Variants in COL22A1 observed in about 807,000 individuals in gnomAD.
COL22A1 encodes the protein collagen type XXII alpha 1 chain, also known as collagen alpha-1(XXII) chain.
Under a neutral mutation model 248.9 loss-of-function variants are expected in COL22A1, and 221 were observed. The observed-to-expected ratio is 0.89, with a 90% confidence interval of 0.80 to 0.99. The LOEUF (loss-of-function observed/expected upper bound fraction) is 0.99. COL22A1 is among the 50% of genes least tolerant of loss of function. COL22A1 has a pLI of 0.00. For missense variants in COL22A1, 2,240 were observed against 2,179.0 expected, an observed-to-expected ratio of 1.03 and a Z score of -0.56; for synonymous variants, 891 against 793.4, an observed-to-expected ratio of 1.12 and a Z score of -2.07.
In COL22A1 at chr8:138,906,187, G is replaced by A. The variant is rs535731423; in HGVS notation, c.-73+7432C>T. Among the ~76,000 whole-genome samples, 406 of 152,172 alleles carry A rather than the reference G, an allele frequency of 2.7e-3. 2 individuals carry two copies. Among genetic ancestry groups the A allele is most frequent in the African/African-American group, 9.0e-3 (375 of 41,512 alleles). The stretch of plus-strand genomic sequence containing the variant: ...AGATTGAGACCATCCTGGCTGACAC[G>A]GTGAAACCCCGTCTCTACTAAAAAT... On this transcript the variant is annotated intron_variant, in intron 1 of 64. Transcript: ENST00000303045.
chr8:138,787,833 G>C (rs1455556605), intron 12 of COL22A1, among the ~76,000 whole-genome samples: 2 of 152,060 alleles, frequency 1.3e-5, no homozygotes, highest in Non-Finnish European at 2.9e-5. Flanking sequence ...ATGGGGAGGG[G>C]GGCAACCATC....
At chr8:138,650,723 T>G (rs562837857) in intron 45 of COL22A1, among the ~76,000 whole-genome samples, 1 of 147,860 alleles carries the variant, frequency 6.8e-6, no homozygotes, top group Non-Finnish European at 1.5e-5. Flanking sequence ...GATAGACAGA[T>G]AGACAGATAC....
chr8:138,683,614 CTT>C (rs1300702809), intron 39 of COL22A1, among the ~76,000 whole-genome samples: 1 of 152,174 alleles, frequency 6.6e-6, no homozygotes, highest in Non-Finnish European at 1.5e-5. Flanking sequence ...TCTCCACTCT[CTT>C]TTCCTTTACT....
At chr8:138,881,139 C>T (rs930135378) in intron 2 of COL22A1, among the ~76,000 whole-genome samples, 2 of 152,132 alleles carry the variant, frequency 1.3e-5, no homozygotes, top group Non-Finnish European at 2.9e-5. Flanking sequence ...CAGAGGAGAC[C>T]ACCCTAGGGC....
chr8:138,857,206 TACCTCCTGCCCCGGAGAC>T (rs1166451191), intron 3 of COL22A1, among the ~76,000 whole-genome samples: 1 of 152,080 alleles, frequency 6.6e-6, no homozygotes, highest in Admixed American at 6.6e-5. Flanking sequence ...CTGTCCTGCG[TACCTCCTGCCCCGGAGAC>T]ATTGGGCCCA....
intron 2 of COL22A1, 96 bp from the exon 3 acceptor site, chr8:138,878,412 CA>C: frequency 2.9e-6 from 3 of 1,048,248 alleles, no homozygotes; most frequent in Non-Finnish European, 4.0e-6. Context: ...CACACCTGCT[CA>C]AATACCTACC....
intron 57 of COL22A1, among the ~76,000 whole-genome samples, chr8:138,607,569 A>G (rs1049029672): frequency 7.1e-6 from 1 of 140,226 alleles, no homozygotes; most frequent in Non-Finnish European, 1.5e-5. Flanking sequence ...CATGCTGCAC[A>G]CTTTGTCATT....
At chr8:138,596,728 T>A (rs1817565371) in intron 62 of COL22A1, among the ~76,000 whole-genome samples, 176 bp downstream of exon 62, 1 of 152,156 alleles carries the variant, frequency 6.6e-6, no homozygotes, top group African/African-American at 2.4e-5. Flanking sequence ...AGAGAAAGTA[T>A]GTGTCAGATA....
At chr8:138,615,744 C>A (rs953758903) in intron 55 of COL22A1, among the ~76,000 whole-genome samples, 10 of 152,092 alleles carry the variant, frequency 6.6e-5, no homozygotes, top group Non-Finnish European at 7.4e-5. Context: ...AAGGCTGGAT[C>A]CAACAGGCCT....
intron 25 of COL22A1, among the ~76,000 whole-genome samples, chr8:138,723,756 A>T (rs1310389531): frequency 2.6e-5 from 4 of 152,254 alleles, no homozygotes; most frequent in Non-Finnish European, 5.9e-5. Context: ...ATTCATGTCC[A>T]GTACCCTTTG....
At chr8:138,620,945 CCA>C (rs1819736208) in intron 52 of COL22A1, among the ~76,000 whole-genome samples, 1 of 29,538 alleles carries the variant, frequency 3.4e-5, no homozygotes, top group African/African-American at 1.1e-4. Context: ...AACCAAGCAT[CCA>C]TCCATCCATC....
At chr8:138,609,340 T>A (rs1193021924) in intron 56 of COL22A1, among the ~76,000 whole-genome samples, 2 of 152,202 alleles carry the variant, frequency 1.3e-5, no homozygotes. Flanking sequence ...CTTAAGGACA[T>A]GCCTTATGGG....
chr8:138,832,288 A>T (rs1182814752), intron 5 of COL22A1, among the ~76,000 whole-genome samples: 1 of 152,000 alleles, frequency 6.6e-6, no homozygotes, highest in Admixed American at 6.5e-5. Context: ...TTACTTTCTT[A>T]ATAAACTTGC....
At chr8:138,725,962 A>G (rs1391767156) in intron 23 of COL22A1, among the ~76,000 whole-genome samples, 1 of 152,200 alleles carries the variant, frequency 6.6e-6, no homozygotes, top group Admixed American at 6.5e-5. Flanking sequence ...TCGCATCTGT[A>G]CTTGTGAAGG....
At chr8:138,615,938 T>G in intron 55 of COL22A1, 63 bp downstream of exon 55, 1 of 1,239,924 alleles carries the variant, frequency 8.1e-7, no homozygotes, top group Non-Finnish European at 1.2e-6. Context: ...TTTCTGGGTG[T>G]CACTTCCTTG....
At chr8:138,713,179 A>G (rs1260252966) in intron 30 of COL22A1, among the ~76,000 whole-genome samples, 1 of 152,012 alleles carries the variant, frequency 6.6e-6, no homozygotes, top group Non-Finnish European at 1.5e-5. Context: ...GACGAACTAC[A>G]GTTGTGTGAA....
chr8:138,768,259 C>T (rs932670347), intron 16 of COL22A1, among the ~76,000 whole-genome samples: 70 of 152,328 alleles, frequency 4.6e-4, no homozygotes, highest in Admixed American at 3.2e-3. Flanking sequence ...GCAGGGGACC[C>T]TCCCCATCTG....
In COL22A1 at chr8:138,594,117, A is replaced by G; in HGVS notation, c.4515T>C (p.Pro1505=). The G allele has an allele frequency of 1.3e-6, 2 of 1,581,034 alleles. No individual in the cohort carries two copies. Among genetic ancestry groups the G allele is most frequent in the Admixed American group, 4.0e-5 (2 of 49,786 alleles). Residue 1505 remains proline (P), a synonymous_variant, in exon 63 of 65, where the codon CCT becomes CCC. Transcript: ENST00000303045. The part of the protein sequence containing the change: ...SQGRPGPPGP[P]GKDGLPGRAG... ...CCCGGCCTGGAAGCCCATCTTTTCCAGGGGGCCCTGGGGGCCCAGGTCTGC... is the reference window on the plus strand; with the variant it reads ...CCCGGCCTGGAAGCCCATCTTTTCCGGGGGGCCCTGGGGGCCCAGGTCTGC...
Position 138,811,840 on chromosome 8 carries a change from A to T in COL22A1, c.1408T>A (p.Phe470Ile). 7.2e-7 allele frequency: 1 copy of T among 1,380,506 alleles called. No homozygotes were observed. The highest frequency in any genetic ancestry group is 9.5e-7 in the Non-Finnish European group (1 of 1,048,930). 85.5% of individuals were successfully genotyped at this position (1,380,506 alleles called of 1,614,324 possible). A position where few individuals can be genotyped will look rare whatever the true frequency, so the allele number is the denominator to read the frequency against. Residue 470 changes from phenylalanine to isoleucine, a missense_variant, in exon 9 of 65, where the codon TTT becomes ATT. Transcript: ENST00000303045. ...CAGGAGCAGTTGATGGTCTTCAAAA[A>T]CCCAATCTGTTCACTGCCTGGGGTG... ...PPTPGSEQIG[F>I]LKTINCSCPA...
Sources: allele counts gnomAD v4.1 joint callset (sites outside exome capture counted in the v4.1 genomes callset), GRCh38; gene constraint gnomAD v4.1.1; transcripts MANE v1.5; gene names NCBI Gene and HGNC (gene_info 2026-07-23, HGNC 2026-07-21).